HDAC9: variants seen among roughly 807,000 people sequenced by gnomAD.
The protein encoded by HDAC9 is histone deacetylase 9.
A neutral mutation model predicts 139.4 loss-of-function variants in HDAC9; 41 were observed. That is an observed-to-expected ratio of 0.29 (90% CI 0.23 to 0.38). The LOEUF is 0.38. HDAC9 is among the 10% of genes least tolerant of loss of function. HDAC9 has a pLI of 1.00. For missense variants in HDAC9, 1,147 were observed against 1,297.0 expected (o/e 0.88, Z 1.78); for synonymous variants, 517 against 476.2 (o/e 1.09, Z -1.12).
rs753916187 is a variant in HDAC9, at chr7:18,297,105, TC to T, written c.-42+6592del. 4.6e-5 allele frequency among the ~76,000 whole-genome samples: 7 copies of T among 152,270 alleles called. No individual in the cohort carries two copies. In the East Asian group the frequency reaches 1.4e-3, roughly 29 times the overall value. On this transcript the variant is annotated intron_variant, in intron 1 of 3. Transcript: ENST00000413509. ...GCTGGAGGTGAAGATTTGAGAAACTTCCGTGTAGGTACGAGTTGAAGCCACA... is the reference window on the plus strand; with the variant it reads ...GCTGGAGGTGAAGATTTGAGAAACTTCGTGTAGGTACGAGTTGAAGCCACA...
chr7:18,112,053 G>T (rs1311622253), intron 1 of HDAC9, among the ~76,000 whole-genome samples: 1 of 152,214 alleles, frequency 6.6e-6, no homozygotes, highest in Non-Finnish European at 1.5e-5. Context: ...AATTGTATTA[G>T]AATAGATGTA....
At chr7:18,549,251 AC>A (rs1283133894) in intron 2 of HDAC9, among the ~76,000 whole-genome samples, 1 of 152,110 alleles carries the variant, frequency 6.6e-6, no homozygotes, top group African/African-American at 2.4e-5. Context: ...AAATAAATAA[AC>A]AAACAAACAA....
At chr7:18,854,382 A>G (rs1257821832) in intron 21 of HDAC9, among the ~76,000 whole-genome samples, 1 of 152,186 alleles carries the variant, frequency 6.6e-6, no homozygotes, top group African/African-American at 2.4e-5. Context: ...TGTCTTGGCT[A>G]CAGATATTAT....
chr7:18,772,326 C>CA (rs1177760559), intron 16 of HDAC9, among the ~76,000 whole-genome samples: 3 of 151,760 alleles, frequency 2.0e-5, no homozygotes, highest in Non-Finnish European at 4.4e-5. Context: ...TTTTTTCTTC[C>CA]AAAAAAGGAG....
intron 2 of HDAC9, among the ~76,000 whole-genome samples, chr7:18,184,203 C>T (rs113143943): frequency 1.1e-4 from 17 of 152,156 alleles, no homozygotes; most frequent in Non-Finnish European, 1.6e-4. Flanking sequence ...GTTCGAGACC[C>T]GCCTGACCAA....
chr7:18,873,538 A>G (rs1023392801), intron 21 of HDAC9, among the ~76,000 whole-genome samples: 11 of 152,192 alleles, frequency 7.2e-5, no homozygotes, highest in African/African-American at 2.2e-4. Flanking sequence ...ACTTACCAAC[A>G]TAAAAATTAA....
intron 1 of HDAC9, among the ~76,000 whole-genome samples, chr7:18,362,416 T>TA (rs1456115241): frequency 6.6e-6 from 1 of 152,192 alleles, no homozygotes; most frequent in African/African-American, 2.4e-5. Flanking sequence ...CTTGGTAACT[T>TA]AGATGATCCA....
At chr7:18,825,200 A>G (rs1383826588) in intron 17 of HDAC9, among the ~76,000 whole-genome samples, 4 of 152,342 alleles carry the variant, frequency 2.6e-5, no homozygotes, top group Non-Finnish European at 2.9e-5. Flanking sequence ...TGTGAAGTGT[A>G]TGAGATGGGT....
chr7:18,164,830 G>C (rs1003090024), intron 2 of HDAC9, among the ~76,000 whole-genome samples: 2 of 152,088 alleles, frequency 1.3e-5, no homozygotes, highest in Non-Finnish European at 2.9e-5. Context: ...TTGCTTTTGG[G>C]CACTGAGGAT....
At chr7:18,741,854 C>T (rs989091326) in intron 13 of HDAC9, among the ~76,000 whole-genome samples, 12 of 152,006 alleles carry the variant, frequency 7.9e-5, no homozygotes, top group African/African-American at 4.8e-5. Flanking sequence ...TGGATGACTT[C>T]GAGGGGGTCA....
chr7:18,865,991 T>A (rs1027077849), intron 21 of HDAC9, among the ~76,000 whole-genome samples: 5 of 151,038 alleles, frequency 3.3e-5, no homozygotes, highest in African/African-American at 1.2e-4. Flanking sequence ...GAATCTGCTG[T>A]CTCAGAGGTG....
intron 1 of HDAC9, among the ~76,000 whole-genome samples, chr7:18,319,685 C>CT (rs1466126737): frequency 6.6e-5 from 10 of 152,136 alleles, no homozygotes; most frequent in Admixed American, 6.5e-4. Flanking sequence ...TTAAGAGGCA[C>CT]TTCTGTTGTG....
intron 24 of HDAC9, among the ~76,000 whole-genome samples, chr7:18,960,418 C>T (rs1218449409): frequency 6.6e-6 from 1 of 152,054 alleles, no homozygotes; most frequent in African/African-American, 2.4e-5. Context: ...TATTCGTCCT[C>T]CTCTTCCTAT....
chr7:18,946,236 CTGTT>C (rs1206419289), intron 23 of HDAC9, among the ~76,000 whole-genome samples: 1 of 151,858 alleles, frequency 6.6e-6, no homozygotes, highest in Non-Finnish European at 1.5e-5. Flanking sequence ...ACAAATCTTT[CTGTT>C]TGTTTTTCTT....
intron 13 of HDAC9, among the ~76,000 whole-genome samples, 171 bp from the exon 14 acceptor site, chr7:18,748,834 A>G (rs1339011486): frequency 6.6e-6 from 1 of 152,204 alleles, no homozygotes; most frequent in Non-Finnish European, 1.5e-5. Flanking sequence ...CCAGATAGAC[A>G]GGTCTCAATA....
At chr7:18,642,640 A>C (rs189659365) in intron 8 of HDAC9, among the ~76,000 whole-genome samples, 62 of 152,198 alleles carry the variant, frequency 4.1e-4, no homozygotes, top group Admixed American at 4.1e-3. Flanking sequence ...GAGGAAATGG[A>C]GCCACTCAAG....
At chr7:18,279,936 T>A (rs1010208383) in intron 2 of HDAC9, among the ~76,000 whole-genome samples, 1 of 152,194 alleles carries the variant, frequency 6.6e-6, no homozygotes, top group Non-Finnish European at 1.5e-5. Flanking sequence ...AGGGGAATTC[T>A]GAGTGTTGAA....
chr7:18,653,598 G>T (rs1399658028), intron 11 of HDAC9, among the ~76,000 whole-genome samples: 1 of 152,056 alleles, frequency 6.6e-6, no homozygotes, highest in Non-Finnish European at 1.5e-5. Context: ...TAGGCATTTT[G>T]ACATGAGTGC....
chr7:18,849,819 G>A (rs1451435730), intron 21 of HDAC9, among the ~76,000 whole-genome samples: 1 of 152,144 alleles, frequency 6.6e-6, no homozygotes, highest in Non-Finnish European at 1.5e-5. Flanking sequence ...TACTTTTCCT[G>A]GTTAGAAAAG....
Sources: gnomAD v4.1 joint callset for allele counts (sites outside exome capture counted in the v4.1 genomes callset) on GRCh38, gnomAD v4.1.1 for gene constraint, MANE v1.5 for transcripts, NCBI Gene and HGNC (gene_info 2026-07-23, HGNC 2026-07-21) for gene names.